TRIB3: variants seen among roughly 807,000 people sequenced by gnomAD.
TRIB3 encodes tribbles homolog 3.
TRIB3 carries 20 observed loss-of-function variants against 16.6 expected under a neutral mutation model. That is an observed-to-expected ratio of 1.20 (90% CI 0.85 to 1.75). The LOEUF (loss-of-function observed/expected upper bound fraction) is 1.75, where lower values mean the gene tolerates loss of function less well. Ranked by LOEUF, TRIB3 falls within the 40% of genes most tolerant of loss-of-function variation. TRIB3 has a pLI of 0.00. For synonymous variants in TRIB3, 208 were observed against 217.0 expected (o/e 0.96, Z 0.36); for missense variants, 484 against 488.9 (o/e 0.99, Z 0.10).
chr20:385,195 C>G (rs2014767296), intron 1 of TRIB3, among the ~76,000 whole-genome samples: 1 of 152,200 alleles, frequency 6.6e-6, no homozygotes, highest in Non-Finnish European at 1.5e-5. Flanking sequence ...TCACCGCAAC[C>G]TTTGCCTCCT....
rs975473140 is a variant in TRIB3, at chr20:396,387, C to T, written c.774C>T (p.His258=). ...GVALFTMLAG[H]YPFQDSEPVL... ...CGCTCTTCACCATGCTGGCCGGCCA[C>T]TACCCCTTCCAGGACTCGGAGCCTG... The change falls in exon 4 of 4, where the codon CAC becomes CAT. Residue 258 remains histidine (H), a synonymous_variant. Transcript: ENST00000217233. 12 of 1,613,374 alleles carry T rather than the reference C, an allele frequency of 7.4e-6. No homozygotes were observed. Among genetic ancestry groups the T allele is most frequent in the Non-Finnish European group, 1.0e-5 (12 of 1,180,048 alleles).
rs765383765 is a variant in TRIB3, at chr20:391,436, G to A, written c.441G>A (p.Leu147=). ...GGACCCATGGGGACATGCACAGCCTGGTGCGAAGCCGCCACCGTATCCCTG... is the reference window on the plus strand; with the variant it reads ...GGACCCATGGGGACATGCACAGCCTAGTGCGAAGCCGCCACCGTATCCCTG... ...FTRTHGDMHS[L]VRSRHRIPEP... The change falls in exon 3 of 4, where the codon CTG becomes CTA. Residue 147 remains leucine, a synonymous_variant. Coordinates refer to ENST00000217233, the MANE Select transcript of TRIB3 (RefSeq NM_021158.5). 1.4e-5 allele frequency: 23 copies of A among 1,613,810 alleles called. No individual in the cohort carries two copies. Among genetic ancestry groups the A allele is most frequent in the Non-Finnish European group, 1.7e-5 (20 of 1,180,010 alleles).
At chr20:385,258 G>A (rs1477365197) in intron 1 of TRIB3, among the ~76,000 whole-genome samples, 1 of 151,816 alleles carries the variant, frequency 6.6e-6, no homozygotes, top group African/African-American at 2.4e-5. Context: ...GATTACAGGC[G>A]TGTGCCACCA....
intron 3 of TRIB3, among the ~76,000 whole-genome samples, chr20:394,295 A>G (rs1336187962): frequency 6.6e-6 from 1 of 152,196 alleles, no homozygotes; most frequent in Non-Finnish European, 1.5e-5. Flanking sequence ...GATTATAGGC[A>G]TGGGCCGCTG....
At chr20:387,161 A>G (rs2014840509) in intron 1 of TRIB3, among the ~76,000 whole-genome samples, 1 of 152,074 alleles carries the variant, frequency 6.6e-6, no homozygotes, top group Admixed American at 6.6e-5. Flanking sequence ...GGATTGCTTG[A>G]GCTCAGGTGA....
rs978415712 is a variant in TRIB3, at chr20:387,520, G to A, written c.1-491G>A. ...AGGTGGGAGGTTCACTTGAGGCCAC[G>A]AGTTTGAGACCAGCGTGGGCAACAT... On this transcript the variant is annotated intron_variant, in intron 1 of 3. Transcript: ENST00000217233. Among the ~76,000 whole-genome samples the A allele has an allele frequency of 1.0e-4, 15 of 150,420 alleles. No homozygotes were observed. In the East Asian group the frequency reaches 1.2e-3, roughly 12 times the overall value.
chr20:396,181 T>C lies in TRIB3; in HGVS notation c.585-17T>C. ...TCTGGGTAGGACCTGACCCTTCTGT[T>C]TCTCCCCATGTCCCAGGAAGAAGCT... On this transcript the variant is annotated splice_polypyrimidine_tract_variant and intron_variant, in intron 3 of 3. Transcript: ENST00000217233. 1 of 1,600,478 alleles carries C rather than the reference T, an allele frequency of 6.2e-7. No individual in the cohort carries two copies.
chr20:392,484 C>T (rs752606767), intron 3 of TRIB3, among the ~76,000 whole-genome samples: 4 of 152,030 alleles, frequency 2.6e-5, no homozygotes, highest in African/African-American at 7.2e-5. Context: ...CACACGGGAA[C>T]GTTTTCTGTG....
chr20:391,497 A>G lies in TRIB3; in HGVS notation c.502A>G (p.Thr168Ala). 1 of 1,613,766 alleles carries G rather than the reference A, an allele frequency of 6.2e-7. No individual in the cohort carries two copies. The highest frequency in any genetic ancestry group is 1.7e-4 in the Middle Eastern group (1 of 6,060). The change falls in exon 3 of 4, where the codon ACC (threonine) becomes GCC (alanine). Residue 168 changes from threonine to alanine, a missense_variant. Thr to Ala is a moderately conservative substitution (Grantham distance 58). Coordinates refer to ENST00000217233, the MANE Select transcript of TRIB3 (RefSeq NM_021158.5). ...EAAVLFRQMA[T>A]ALAHCHQHGL... is the part of the protein sequence containing the mutation. ...TGCCGTGCTCTTCCGCCAGATGGCC[A>G]CCGCCCTGGCGCACTGTCACCAGCA...
rs1270420890 is a variant in TRIB3 at position 391,589 on chromosome 20, G to A, written c.584+10G>A. On this transcript the variant is annotated intron_variant, in intron 3 of 3. Transcript: ENST00000217233. ...TCGCTGACCGTGAGAGGTGAGTGTG[G>A]TCTCAGAGACCCCAGCCACAGACAC... 3.1e-6 allele frequency: 5 copies of A among 1,600,290 alleles called. No individual in the cohort carries two copies. The highest frequency in any genetic ancestry group is 4.3e-6 in the Non-Finnish European group (5 of 1,171,660).
intron 3 of TRIB3, among the ~76,000 whole-genome samples, 159 bp from the exon 4 acceptor site, chr20:396,039 G>C (rs2015113732): frequency 6.6e-6 from 1 of 152,174 alleles, no homozygotes; most frequent in Admixed American, 6.5e-5. Flanking sequence ...GCCTGGGCTT[G>C]GGTATCTGTA....
At chr20:392,171 C>T (rs1323614408) in intron 3 of TRIB3, among the ~76,000 whole-genome samples, 2 of 152,114 alleles carry the variant, frequency 1.3e-5, no homozygotes, top group Non-Finnish European at 2.9e-5. Flanking sequence ...AAACACGAGG[C>T]AGGTACTGTT....
intron 1 of TRIB3, among the ~76,000 whole-genome samples, chr20:384,661 C>T (rs542029425): frequency 6.6e-6 from 1 of 152,296 alleles, no homozygotes; most frequent in South Asian, 2.1e-4. Flanking sequence ...TGCGCCCAGC[C>T]TTCAATAGAT....
intron 1 of TRIB3, chr20:382,754 A>G: frequency 1.5e-6 from 1 of 685,604 alleles, no homozygotes; most frequent in Non-Finnish European, 2.6e-6. Flanking sequence ...GACCAGGGGT[A>G]CCCCCCAGCT....
chr20:384,035 A>G (rs2014729072), intron 1 of TRIB3, among the ~76,000 whole-genome samples: 1 of 151,632 alleles, frequency 6.6e-6, no homozygotes, highest in Non-Finnish European at 1.5e-5. Context: ...CCTCACATCC[A>G]ATCCATCCAG....
intron 2 of TRIB3, 99 bp downstream of exon 2, chr20:388,400 C>A: frequency 7.2e-7 from 1 of 1,392,436 alleles, no homozygotes; most frequent in Non-Finnish European, 9.5e-7. Context: ...TATGTTCATT[C>A]ATTCTTGTGT....
chr20:385,302 G>C (rs930578819), intron 1 of TRIB3, among the ~76,000 whole-genome samples: 5 of 151,134 alleles, frequency 3.3e-5, no homozygotes. Context: ...TAGTAGAGAC[G>C]GGGTTTCACC....
At chr20:384,433 A>AAACATG (rs1568532173) in intron 1 of TRIB3, among the ~76,000 whole-genome samples, 1 of 152,032 alleles carries the variant, frequency 6.6e-6, no homozygotes, top group African/African-American at 2.4e-5. Context: ...GCGAGATCTC[A>AAACATG]GCTCACTACA....
intron 1 of TRIB3, among the ~76,000 whole-genome samples, chr20:386,722 G>A (rs7265331): frequency 5.9e-5 from 9 of 152,010 alleles, no homozygotes; most frequent in African/African-American, 9.7e-5. Flanking sequence ...ACAGGCCCAC[G>A]CCACCACGCC....
Sources: allele counts gnomAD v4.1 joint callset (sites outside exome capture counted in the v4.1 genomes callset), GRCh38; gene constraint gnomAD v4.1.1; transcripts MANE v1.5; gene names NCBI Gene and HGNC (gene_info 2026-07-23, HGNC 2026-07-21).